Variants in RNF212 observed in about 807,000 individuals in gnomAD.
The protein encoded by RNF212 is probable E3 SUMO-protein ligase RNF212.
In RNF212, 33 loss-of-function variants were observed where a neutral mutation model predicts 34.7. That is an observed-to-expected ratio of 0.95 (90% confidence interval 0.72 to 1.27). The LOEUF is 1.27. RNF212 is among the 50% of genes most tolerant of loss of function. RNF212 has a pLI of 0.00. For synonymous variants in RNF212, 140 were observed against 136.1 expected (o/e 1.03, Z -0.20); for missense variants, 377 against 362.2 (o/e 1.04, Z -0.33).
At chr4:1,077,518 C>T (rs1383566390) in intron 8 of RNF212, among the ~76,000 whole-genome samples, 1 of 152,172 alleles carries the variant, frequency 6.6e-6, no homozygotes, top group Non-Finnish European at 1.5e-5. Flanking sequence ...TAGGCGTGAG[C>T]CCGACATGCC....
At chr4:1,069,986 T>G (rs113643775), downstream of RNF212, among the ~76,000 whole-genome samples, 1 of 149,490 alleles carries the variant, frequency 6.7e-6, no homozygotes, top group East Asian at 2.0e-4. Context: ...CGGGTGGTTT[T>G]GTAGGATTGC....
At position 1,092,453 on chromosome 4, in the gene RNF212, A is replaced by T. The variant is rs190281764; in HGVS notation, c.247-1615T>A. Among the ~76,000 whole-genome samples, 328 of 151,888 alleles carry T rather than the reference A, an allele frequency of 2.2e-3. 1 individual carries two copies. The highest frequency in any genetic ancestry group is 3.6e-3 in the Non-Finnish European group (247 of 67,938). On this transcript the variant is annotated intron_variant, in intron 3 of 9. Coordinates refer to ENST00000433731, the MANE Select transcript of RNF212 (RefSeq NM_001131034.4). ...TGCAGGGTCTACACCAGCCTCCAGG[A>T]CTCCATTAGGGGGAGCCACACAGGC...
downstream of RNF212, among the ~76,000 whole-genome samples, chr4:1,068,542 C>A (rs1718239662): frequency 6.6e-6 from 1 of 152,236 alleles, no homozygotes; most frequent in South Asian, 2.1e-4. Flanking sequence ...TTTGTTATAA[C>A]TCCAACAATA....
intron 3 of RNF212, among the ~76,000 whole-genome samples, chr4:1,062,035 T>C (rs982457192): frequency 6.6e-6 from 1 of 152,036 alleles, no homozygotes; most frequent in African/African-American, 2.4e-5. Context: ...AAGGAAAATA[T>C]GATGATAGTG....
chr4:1,101,282 T>G (rs1723944794), intron 2 of RNF212: 2 of 332,810 alleles, frequency 6.0e-6, no homozygotes, highest in Non-Finnish European at 1.2e-5. Flanking sequence ...TCCCTTTCAC[T>G]GATTTTCCAT....
At chr4:1,086,073 C>G in intron 4 of RNF212, 119 bp from the exon 5 acceptor site, 5 of 765,892 alleles carry the variant, frequency 6.5e-6, no homozygotes, top group Non-Finnish European at 1.1e-5. Flanking sequence ...GTTGCCCTCA[C>G]GCTGCTCAGG....
At chr4:1,099,550 GCAT>G (rs1158426835) in intron 2 of RNF212, among the ~76,000 whole-genome samples, 3 of 152,118 alleles carry the variant, frequency 2.0e-5, no homozygotes, top group Non-Finnish European at 4.4e-5. Context: ...TGAGGCCCTC[GCAT>G]CATCAAGAAA....
intron 2 of RNF212, chr4:1,100,237 C>T (rs7685842): frequency 0.028 from 7,930 of 279,368 alleles, 633 homozygotes; most frequent in African/African-American, 0.17. Flanking sequence ...TTTTGTGTTC[C>T]TGTCAAACAT....
At chr4:1,088,147 G>T (rs949182553) in intron 4 of RNF212, among the ~76,000 whole-genome samples, 1 of 152,200 alleles carries the variant, frequency 6.6e-6, no homozygotes, top group African/African-American at 2.4e-5. Context: ...AGAAAGTTTG[G>T]AACTTCCTAG....
rs1717354468 is a variant in RNF212, at chr4:1,056,828, G to A, written n.221-325C>T. Reference sequence around the variant, plus strand: ...GAGCATTTTCTTCCTGAGGCTGGCTGAGCACTTGCCTAAACACTGCCTCTG... The same window carrying A: ...GAGCATTTTCTTCCTGAGGCTGGCTAAGCACTTGCCTAAACACTGCCTCTG... On this transcript the variant is annotated intron_variant and non_coding_transcript_variant, in intron 4 of 4. Transcript: ENST00000503206. 2 of 987,302 alleles carry A rather than the reference G, an allele frequency of 2.0e-6. No homozygotes were observed. The highest frequency in any genetic ancestry group is 9.4e-5 in the South Asian group (2 of 21,358). The allele number at this position is 987,302 out of a possible 1,614,324, so 61.2% of individuals were successfully genotyped here.
chr4:1,087,835 C>T (rs186581731), intron 4 of RNF212, among the ~76,000 whole-genome samples: 15 of 152,060 alleles, frequency 9.9e-5, no homozygotes, highest in African/African-American at 3.4e-4. Flanking sequence ...CCTCCACCCC[C>T]TCTCCTGCCG....
chr4:1,076,371 G>A (rs538672146), intron 8 of RNF212, among the ~76,000 whole-genome samples: 3 of 152,292 alleles, frequency 2.0e-5, no homozygotes, highest in South Asian at 2.1e-4. Flanking sequence ...TTGCTTCTCC[G>A]AGTCCACCCA....
At chr4:1,112,117 G>C (rs1368479058) in intron 1 of RNF212, among the ~76,000 whole-genome samples, 4 of 152,190 alleles carry the variant, frequency 2.6e-5, no homozygotes, top group Non-Finnish European at 5.9e-5. Context: ...TGAGGTAGGA[G>C]AATCACTTGA....
intron 4 of RNF212, among the ~76,000 whole-genome samples, chr4:1,090,313 C>A (rs1056583741): frequency 3.9e-5 from 6 of 152,156 alleles, no homozygotes; most frequent in African/African-American, 1.4e-4. Context: ...CATGGACAGA[C>A]AGGAGGCAGC....
chr4:1,066,338 C>G (rs772237356), intron 3 of RNF212, among the ~76,000 whole-genome samples: 6 of 151,970 alleles, frequency 3.9e-5, no homozygotes, highest in Non-Finnish European at 8.8e-5. Context: ...CTCCGCTTTT[C>G]TTTTTTCTGA....
intron 1 of RNF212, among the ~76,000 whole-genome samples, chr4:1,110,315 G>T (rs2153067746): frequency 6.6e-6 from 1 of 152,294 alleles, no homozygotes; most frequent in South Asian, 2.1e-4. Context: ...AAGGTCACTA[G>T]TAAGAGACAC....
chr4:1,111,576 C>G (rs1460972653), intron 1 of RNF212, among the ~76,000 whole-genome samples: 7 of 152,204 alleles, frequency 4.6e-5, no homozygotes, highest in African/African-American at 1.4e-4. Context: ...CTGAATCTAC[C>G]TAACTTCTCC....
chr4:1,085,236 G>A (rs1158971407), intron 5 of RNF212, among the ~76,000 whole-genome samples: 3 of 152,224 alleles, frequency 2.0e-5, no homozygotes, highest in Admixed American at 6.5e-5. Flanking sequence ...CTGAACTCTG[G>A]CCTGTTATTG....
intron 3 of RNF212, among the ~76,000 whole-genome samples, chr4:1,061,733 A>G (rs1159510282): frequency 1.3e-5 from 2 of 152,250 alleles, no homozygotes; most frequent in Non-Finnish European, 2.9e-5. Context: ...ATGAGCGGAC[A>G]CATCTGCGGC....
Sources: allele counts gnomAD v4.1 joint callset (sites outside exome capture counted in the v4.1 genomes callset), GRCh38; gene constraint gnomAD v4.1.1; transcripts MANE v1.5; gene names NCBI Gene and HGNC (gene_info 2026-07-23, HGNC 2026-07-21).